FGF14: variants seen among roughly 807,000 people sequenced by gnomAD.
FGF14 encodes the protein fibroblast growth factor homologous factor 4.
A neutral mutation model predicts 25.5 loss-of-function variants in FGF14; 5 were observed. The ratio of observed to expected loss-of-function variants is 0.20; its 90% CI spans 0.10 to 0.41. The LOEUF (loss-of-function observed/expected upper bound fraction) is 0.41. Ranked by LOEUF, FGF14 falls within the 10% of genes least tolerant of loss-of-function variation. The pLI is 1.00. For synonymous variants in FGF14, 138 were observed against 118.3 expected, an observed-to-expected ratio of 1.17 and a Z score of -1.08; for missense variants, 222 against 320.1, an observed-to-expected ratio of 0.69 and a Z score of 2.34.
chr13:102,275,968 G>A (rs1352861259), intron 1 of FGF14, among the ~76,000 whole-genome samples: 1 of 151,904 alleles, frequency 6.6e-6, no homozygotes, highest in Non-Finnish European at 1.5e-5. Flanking sequence ...AACAAAACAA[G>A]CTTCCTTCAT....
At chr13:102,210,401 G>C (rs1309275181) in intron 1 of FGF14, among the ~76,000 whole-genome samples, 2 of 152,114 alleles carry the variant, frequency 1.3e-5, no homozygotes, top group Non-Finnish European at 2.9e-5. Context: ...ATTCTTAAAA[G>C]AGAGATGTAC....
chr13:102,310,648 C>T (rs1265050719), intron 1 of FGF14, among the ~76,000 whole-genome samples: 4 of 103,892 alleles, frequency 3.9e-5, no homozygotes, highest in East Asian at 5.6e-4. Context: ...TCTCTCTTCC[C>T]GTTTCTCTCT....
intron 1 of FGF14, among the ~76,000 whole-genome samples, chr13:101,894,638 T>G (rs1389427187): frequency 6.6e-6 from 1 of 152,180 alleles, no homozygotes; most frequent in Non-Finnish European, 1.5e-5. Flanking sequence ...CACTGACAGA[T>G]TTCATTGGTA....
chr13:101,976,865 A>G (rs2037960392), intron 1 of FGF14, among the ~76,000 whole-genome samples: 1 of 152,226 alleles, frequency 6.6e-6, no homozygotes, highest in Non-Finnish European at 1.5e-5. Context: ...GATATCGCAT[A>G]CTGCTGTGTT....
At chr13:102,240,750 A>C (rs9554860) in intron 1 of FGF14, among the ~76,000 whole-genome samples, 25,393 of 152,118 alleles carry the variant, frequency 0.17, 2,243 homozygotes, top group Non-Finnish European at 0.2. Context: ...CATTTTTTTG[A>C]AATACCTACC....
intron 1 of FGF14, among the ~76,000 whole-genome samples, chr13:102,300,938 T>TACACAC (rs3066020): frequency 2.7e-4 from 21 of 76,922 alleles, no homozygotes; most frequent in African/African-American, 9.8e-4. Flanking sequence ...CACACACACA[T>TACACAC]ACACACACAC....
intron 1 of FGF14, among the ~76,000 whole-genome samples, chr13:101,927,528 C>G (rs2034448121): frequency 6.6e-6 from 1 of 152,200 alleles, no homozygotes; most frequent in African/African-American, 2.4e-5. Flanking sequence ...AGATAGGAGA[C>G]AGCAGTTTTA....
At chr13:102,256,154 G>C (rs1330102178) in intron 1 of FGF14, among the ~76,000 whole-genome samples, 2 of 152,012 alleles carry the variant, frequency 1.3e-5, no homozygotes, top group African/African-American at 4.8e-5. Flanking sequence ...TGAGTTGATG[G>C]AAGAGAGGGA....
intron 1 of FGF14, among the ~76,000 whole-genome samples, chr13:102,326,840 T>C (rs1406837156): frequency 6.6e-6 from 1 of 151,808 alleles, no homozygotes; most frequent in East Asian, 1.9e-4. Flanking sequence ...ATATGGGAAA[T>C]TGTGACTAAA....
At chr13:102,259,163 C>G (rs993245843) in intron 1 of FGF14, among the ~76,000 whole-genome samples, 1 of 152,128 alleles carries the variant, frequency 6.6e-6, no homozygotes, top group Non-Finnish European at 1.5e-5. Context: ...CTGCCACTCT[C>G]CAGATGAGAT....
chr13:102,263,213 A>C (rs995449379), intron 1 of FGF14: 2 of 529,036 alleles, frequency 3.8e-6, no homozygotes, highest in Non-Finnish European at 7.4e-6. Context: ...CATGGCGAGA[A>C]GCGCAGTCAA....
intron 1 of FGF14, among the ~76,000 whole-genome samples, chr13:102,126,268 T>C (rs2045944136): frequency 6.6e-6 from 1 of 152,168 alleles, no homozygotes; most frequent in East Asian, 1.9e-4. Flanking sequence ...CTACTTTAGG[T>C]CTCTATGAAT....
At chr13:101,868,612 C>G (rs1566346976) in intron 3 of FGF14, 113 bp downstream of exon 3, 3 of 788,576 alleles carry the variant, frequency 3.8e-6, no homozygotes, top group Non-Finnish European at 6.9e-6. Context: ...AGATCAAATA[C>G]TAAGGCAAAA....
rs2058685516 is a variant in FGF14, at chr13:102,400,783, G to T, written c.208+688C>A. Among the ~76,000 whole-genome samples, 1 of 152,102 alleles carries T rather than the reference G, an allele frequency of 6.6e-6. No individual in the cohort carries two copies. Among genetic ancestry groups the T allele is most frequent in the South Asian group, 2.1e-4 (1 of 4,818 alleles). ...TTTGACACCGCTTTCTAAAGGGGGG[G>T]ACTTCAATTACAAATATTAGAGGGG... is the stretch of plus-strand genomic sequence containing the variant. On this transcript the variant is annotated intron_variant, in intron 1 of 4. Transcript: ENST00000376131. The surrounding 1 kb of genome is among the most constrained non-coding windows in gnomAD (Gnocchi z 4.3).
chr13:102,029,692 T>A (rs567612113), intron 1 of FGF14, among the ~76,000 whole-genome samples: 3 of 152,108 alleles, frequency 2.0e-5, no homozygotes, highest in Admixed American at 6.6e-5. Context: ...TGGAATAACA[T>A]AATTTATGAA....
chr13:102,303,082 T>C (rs2055159335), intron 1 of FGF14, among the ~76,000 whole-genome samples: 1 of 152,200 alleles, frequency 6.6e-6, no homozygotes, highest in African/African-American at 2.4e-5. Flanking sequence ...CGACTCACTC[T>C]GCTCCACCCA....
At chr13:102,204,957 G>T (rs1051660954) in intron 1 of FGF14, among the ~76,000 whole-genome samples, 1 of 152,184 alleles carries the variant, frequency 6.6e-6, no homozygotes, top group African/African-American at 2.4e-5. Flanking sequence ...TACAAAAAGA[G>T]ATAAAATGTC....
At chr13:102,144,016 ATTATTTTAC>A (rs2046753039) in intron 1 of FGF14, among the ~76,000 whole-genome samples, 1 of 152,112 alleles carries the variant, frequency 6.6e-6, no homozygotes, top group Admixed American at 6.6e-5. Flanking sequence ...CAGCACGCAT[ATTATTTTAC>A]TTATTTTAGA....
chr13:101,760,625 C>A (rs1269480475), intron 3 of FGF14, among the ~76,000 whole-genome samples: 9 of 152,196 alleles, frequency 5.9e-5, no homozygotes, highest in Non-Finnish European at 1.3e-4. Flanking sequence ...TTGCCTTAAC[C>A]AACCACCTCA....
Sources: gnomAD v4.1 joint callset for allele counts (sites outside exome capture counted in the v4.1 genomes callset) on GRCh38, gnomAD v4.1.1 for gene constraint, Gnocchi (gnomAD v3.1) non-coding constraint, MANE v1.5 for transcripts, NCBI Gene and HGNC (gene_info 2026-07-23, HGNC 2026-07-21) for gene names.